Variants in UBE4B observed in about 807,000 individuals in gnomAD.
The protein encoded by UBE4B is ubiquitin conjugation factor E4 B.
Under a neutral mutation model 148.1 loss-of-function variants are expected in UBE4B, and 27 were observed. The ratio of observed to expected loss-of-function variants is 0.18; its 90% CI spans 0.13 to 0.25. The LOEUF (loss-of-function observed/expected upper bound fraction) is 0.25, where lower values mean the gene tolerates loss of function less well. Ranked by LOEUF, UBE4B falls within the 10% of genes least tolerant of loss-of-function variation. The pLI is 1.00. For synonymous variants in UBE4B, 596 were observed against 619.3 expected (o/e 0.96, Z 0.56); for missense variants, 1,170 against 1,662.4 (o/e 0.70, Z 5.15).
intron 10 of UBE4B, among the ~76,000 whole-genome samples, chr1:10,124,184 G>A (rs2101928206): frequency 6.6e-6 from 1 of 151,634 alleles, no homozygotes; most frequent in Admixed American, 6.6e-5. Context: ...AATTTTGAGG[G>A]TGAGTCTCTC....
intron 10 of UBE4B, among the ~76,000 whole-genome samples, chr1:10,124,299 T>A (rs942183277): frequency 6.6e-6 from 1 of 152,154 alleles, no homozygotes; most frequent in Admixed American, 6.6e-5. Context: ...GTAGCTGGGA[T>A]TATAGGAGCG....
At position 10,105,474 on chromosome 1, in the gene UBE4B, C is replaced by T. The variant is rs190059410; in HGVS notation, c.581-42C>T. 646 of 1,584,744 alleles carry T rather than the reference C, an allele frequency of 4.1e-4. 6 individuals are homozygous for T. In the African/African-American group the frequency reaches 7.4e-3, roughly 18 times the overall value. ...ATTCAAGGGCTGTGTAACCTGTGTTCGAACTGTGTGTAACCTGTTCTTTGT... is the reference window on the plus strand; with the variant it reads ...ATTCAAGGGCTGTGTAACCTGTGTTTGAACTGTGTGTAACCTGTTCTTTGT... On this transcript the variant is annotated intron_variant, in intron 5 of 27. Transcript: ENST00000343090.
chr1:10,081,470 G>A (rs1644679572), intron 2 of UBE4B, among the ~76,000 whole-genome samples: 7 of 151,910 alleles, frequency 4.6e-5, no homozygotes, highest in Admixed American at 4.6e-4. Context: ...TGTCACCCAG[G>A]CTGGAGTGCA....
At chr1:10,179,785 A>T in intron 27 of UBE4B, 110 bp from the exon 28 acceptor site, 6 of 1,458,924 alleles carry the variant, frequency 4.1e-6, no homozygotes, top group Non-Finnish European at 5.6e-6. Flanking sequence ...CTTCGGCTCA[A>T]TGAGGGAAAG....
chr1:10,172,223 A>T (rs1311445743), intron 25 of UBE4B, among the ~76,000 whole-genome samples: 2 of 152,064 alleles, frequency 1.3e-5, no homozygotes, highest in Admixed American at 6.6e-5. Context: ...TCCCTGCGTG[A>T]TCTTCTAGTC....
Position 10,136,749 on chromosome 1 carries a change from G to A in UBE4B, c.2225-318G>A, listed in dbSNP as rs9662454. 7.1e-3 allele frequency among the ~76,000 whole-genome samples: 1,074 copies of A among 152,026 alleles called. 13 individuals carry two copies. The highest frequency in any genetic ancestry group is 9.5e-3 in the Non-Finnish European group (644 of 67,980). On this transcript the variant is annotated intron_variant, in intron 16 of 27. Coordinates refer to ENST00000343090, the MANE Select transcript of UBE4B (RefSeq NM_001105562.3). ...AGTCTGAGCAACATGGTGAAACCTC[G>A]TCTCTCCTAAAAATGCAAAAGTAGC...
At chr1:10,148,631 C>CA (rs565261261) in intron 19 of UBE4B, among the ~76,000 whole-genome samples, 3,545 of 87,156 alleles carry the variant, frequency 0.041, 159 homozygotes, top group African/African-American at 0.13. Flanking sequence ...GACTCTGTCT[C>CA]AAAAAAAAAA....
chr1:10,097,880 T>C (rs1644953815), intron 3 of UBE4B, among the ~76,000 whole-genome samples: 1 of 151,794 alleles, frequency 6.6e-6, no homozygotes, highest in Admixed American at 6.6e-5. Flanking sequence ...TTTGTCCTTA[T>C]TTTTTTTGGA....
chr1:10,108,605 A>G (rs1040000569), intron 7 of UBE4B, among the ~76,000 whole-genome samples: 2 of 152,218 alleles, frequency 1.3e-5, no homozygotes, highest in African/African-American at 4.8e-5. Flanking sequence ...ACTCCAGGCT[A>G]TAAATAGAGA....
chr1:10,140,979 C>A (rs969143582), intron 17 of UBE4B, among the ~76,000 whole-genome samples: 1 of 152,176 alleles, frequency 6.6e-6, no homozygotes, highest in Non-Finnish European at 1.5e-5. Context: ...CCTCTCCCAA[C>A]TCAGAATAAT....
chr1:10,107,576 CTTTTTT>C (rs60975850), intron 7 of UBE4B, among the ~76,000 whole-genome samples: 1 of 128,284 alleles, frequency 7.8e-6, no homozygotes, highest in African/African-American at 3.1e-5. Context: ...TTCTTTCTTT[CTTTTTT>C]TTTTTTTTTT....
chr1:10,154,936 A>C (rs1026160225), intron 21 of UBE4B, among the ~76,000 whole-genome samples: 1 of 151,964 alleles, frequency 6.6e-6, no homozygotes, highest in African/African-American at 2.4e-5. Context: ...AATAGTTTTT[A>C]TTTTTATTTT....
chr1:10,109,396 G>A (rs1432476502), intron 7 of UBE4B, among the ~76,000 whole-genome samples: 1 of 151,966 alleles, frequency 6.6e-6, no homozygotes, highest in Non-Finnish European at 1.5e-5. Flanking sequence ...GCATCTACTC[G>A]GTTCCTTTGG....
chr1:10,089,043 A>G (rs995012774), intron 2 of UBE4B, among the ~76,000 whole-genome samples: 1 of 151,674 alleles, frequency 6.6e-6, no homozygotes, highest in African/African-American at 2.4e-5. Context: ...GTCTCGCTCT[A>G]TGGCCCAGGC....
At chr1:10,090,130 T>A (rs1465687173) in intron 2 of UBE4B, among the ~76,000 whole-genome samples, 1 of 152,022 alleles carries the variant, frequency 6.6e-6, no homozygotes, top group Non-Finnish European at 1.5e-5. Context: ...TGTGTGTGTT[T>A]TTTTTTTTAG....
chr1:10,089,456 A>C (rs1644813373), intron 2 of UBE4B, among the ~76,000 whole-genome samples: 1 of 151,758 alleles, frequency 6.6e-6, no homozygotes, highest in Non-Finnish European at 1.5e-5. Flanking sequence ...TTGAACTATC[A>C]TCTTGCCACT....
chr1:10,113,216 A>G (rs372392304), intron 7 of UBE4B, among the ~76,000 whole-genome samples: 165 of 152,250 alleles, frequency 1.1e-3, no homozygotes, highest in African/African-American at 3.9e-3. Context: ...AGAGAGGAGG[A>G]GGATGTCCCA....
intron 22 of UBE4B, among the ~76,000 whole-genome samples, chr1:10,159,767 G>C (rs1052688468): frequency 2.6e-5 from 4 of 152,198 alleles, no homozygotes; most frequent in Non-Finnish European, 5.9e-5. Flanking sequence ...ATCAAATCTA[G>C]CTATACTTGT....
rs1405163075 is a variant in UBE4B, at chr1:10,033,470, G to A, written c.-201G>A. The A allele has an allele frequency of 2.2e-6, 1 of 446,518 alleles. No homozygotes were observed. Among genetic ancestry groups the A allele is most frequent in the Non-Finnish European group, 3.8e-6 (1 of 260,728 alleles). 27.7% of individuals were successfully genotyped at this position (446,518 alleles called of 1,614,324 possible). ...AACAAGCGGCTGTAGTAGTCTGTGGGGCGACTGGAGTGACCGAAGCCAAGG... is the reference window on the plus strand; with the variant it reads ...AACAAGCGGCTGTAGTAGTCTGTGGAGCGACTGGAGTGACCGAAGCCAAGG... On this transcript the variant is annotated 5_prime_UTR_variant, in exon 1 of 28. Transcript: ENST00000343090.
Sources: gnomAD v4.1 joint callset for allele counts (sites outside exome capture counted in the v4.1 genomes callset) on GRCh38, gnomAD v4.1.1 for gene constraint, MANE v1.5 for transcripts, NCBI Gene and HGNC (gene_info 2026-07-23, HGNC 2026-07-21) for gene names.